Variants in PTPRD observed in about 807,000 individuals in gnomAD.
PTPRD encodes protein tyrosine phosphatase receptor type D.
PTPRD carries 34 observed loss-of-function variants against 214.5 expected under a neutral mutation model. That is an observed-to-expected ratio of 0.16 (90% CI 0.12 to 0.21). The LOEUF is 0.21. Ranked by LOEUF, PTPRD falls within the 10% of genes least tolerant of loss-of-function variation. The pLI is 1.00. For missense variants in PTPRD, 2,545 were observed against 2,398.7 expected (o/e 1.06, Z -1.27); for synonymous variants, 1,128 against 845.7 (o/e 1.33, Z -5.79).
intron 7 of PTPRD, among the ~76,000 whole-genome samples, chr9:9,678,709 T>C (rs1379543023): frequency 1.3e-5 from 2 of 150,070 alleles, no homozygotes; most frequent in African/African-American, 2.4e-5. Flanking sequence ...AACAAAACTC[T>C]AAAAAAAAAT....
chr9:8,910,131 C>G (rs2098737166), intron 11 of PTPRD, among the ~76,000 whole-genome samples: 1 of 152,048 alleles, frequency 6.6e-6, no homozygotes, highest in South Asian at 2.1e-4. Flanking sequence ...CTCTGCCACC[C>G]AGGTTCACAC....
intron 8 of PTPRD, among the ~76,000 whole-genome samples, chr9:9,546,715 TATA>T (rs1227251233): frequency 6.6e-6 from 1 of 151,922 alleles, no homozygotes; most frequent in South Asian, 2.1e-4. Context: ...ATTGAATGTT[TATA>T]ATATGTTCCA....
intron 4 of PTPRD, among the ~76,000 whole-genome samples, chr9:9,983,130 A>G (rs1224406870): frequency 6.6e-6 from 1 of 152,128 alleles, no homozygotes; most frequent in Non-Finnish European, 1.5e-5. Context: ...TTTGGATGCA[A>G]ATCAAATGTA....
intron 10 of PTPRD, among the ~76,000 whole-genome samples, chr9:9,177,691 C>T (rs1473650354): frequency 6.6e-6 from 1 of 151,906 alleles, no homozygotes; most frequent in East Asian, 1.9e-4. Context: ...ATGCTTAATC[C>T]TATCAATCTT....
intron 5 of PTPRD, among the ~76,000 whole-genome samples, chr9:9,919,524 T>G (rs2081955499): frequency 6.6e-6 from 1 of 152,138 alleles, no homozygotes; most frequent in Non-Finnish European, 1.5e-5. Flanking sequence ...TCAAATGAAG[T>G]ACACTTAAGA....
chr9:10,177,727 G>A (rs756405932), intron 3 of PTPRD, among the ~76,000 whole-genome samples: 1 of 151,732 alleles, frequency 6.6e-6, no homozygotes, highest in Non-Finnish European at 1.5e-5. Context: ...TTGAATTGGG[G>A]TATGTTCTTT....
intron 10 of PTPRD, among the ~76,000 whole-genome samples, chr9:9,175,944 C>A (rs1169767919): frequency 1.3e-5 from 2 of 152,126 alleles, no homozygotes; most frequent in Admixed American, 6.6e-5. Context: ...AGCACAAAGT[C>A]TTTTATATAT....
At chr9:9,006,371 A>G (rs1354447188) in intron 11 of PTPRD, among the ~76,000 whole-genome samples, 2 of 152,056 alleles carry the variant, frequency 1.3e-5, no homozygotes, top group Non-Finnish European at 2.9e-5. Context: ...CAAAACATAT[A>G]CTTTTAAAAA....
chr9:9,027,141 C>A (rs569715258), intron 10 of PTPRD, among the ~76,000 whole-genome samples: 3 of 151,836 alleles, frequency 2.0e-5, no homozygotes, highest in African/African-American at 4.8e-5. Context: ...GGCATACATT[C>A]TGAATTTTGT....
chr9:9,665,191 GA>G (rs1376068189), intron 7 of PTPRD, among the ~76,000 whole-genome samples: 1 of 151,578 alleles, frequency 6.6e-6, no homozygotes, highest in Non-Finnish European at 1.5e-5. Flanking sequence ...TTCTGACTCA[GA>G]ACGGCAAAGA....
At chr9:10,082,580 G>A (rs956287572) in intron 3 of PTPRD, among the ~76,000 whole-genome samples, 1 of 151,972 alleles carries the variant, frequency 6.6e-6, no homozygotes, top group East Asian at 1.9e-4. Flanking sequence ...GTGAAGTTAT[G>A]TAGAAACTTC....
intron 9 of PTPRD, among the ~76,000 whole-genome samples, chr9:9,298,947 T>C (rs1954180188): frequency 1.3e-5 from 2 of 151,820 alleles, no homozygotes; most frequent in South Asian, 4.1e-4. Context: ...TCTATTTTTC[T>C]TAATATAAAA....
intron 2 of PTPRD, among the ~76,000 whole-genome samples, chr9:10,372,342 C>T (rs766187313): frequency 1.3e-5 from 2 of 151,938 alleles, no homozygotes; most frequent in African/African-American, 2.4e-5. Context: ...TGTAAAAGTG[C>T]CACATGCCTT....
intron 14 of PTPRD, among the ~76,000 whole-genome samples, chr9:8,595,677 G>A (rs1057122808): frequency 1.3e-5 from 2 of 152,152 alleles, no homozygotes; most frequent in Non-Finnish European, 2.9e-5. Context: ...CGAAAAGTTA[G>A]TTTAATTCAA....
At chr9:9,801,694 T>G (rs939201136) in intron 5 of PTPRD, among the ~76,000 whole-genome samples, 1 of 152,094 alleles carries the variant, frequency 6.6e-6, no homozygotes, top group Non-Finnish European at 1.5e-5. Context: ...ATAATTTCAC[T>G]GTTGGAAATT....
intron 14 of PTPRD, among the ~76,000 whole-genome samples, chr9:8,531,454 T>C (rs878949914): frequency 8.5e-5 from 13 of 152,126 alleles, no homozygotes; most frequent in African/African-American, 2.2e-4. Context: ...TTGGCAGCTA[T>C]TGACACAAAG....
intron 11 of PTPRD, among the ~76,000 whole-genome samples, chr9:8,826,916 T>G (rs1303540658): frequency 1.3e-5 from 2 of 152,140 alleles, no homozygotes; most frequent in Non-Finnish European, 2.9e-5. Context: ...GGATACCCAA[T>G]GAGCACGATT....
intron 14 of PTPRD, among the ~76,000 whole-genome samples, chr9:8,609,211 T>C (rs899907006): frequency 6.6e-6 from 1 of 152,204 alleles, no homozygotes; most frequent in Admixed American, 6.5e-5. Flanking sequence ...ATGAGACATA[T>C]TAACTTTATC....
chr9:8,931,569 C>T (rs1389315952), intron 11 of PTPRD, among the ~76,000 whole-genome samples: 2 of 152,086 alleles, frequency 1.3e-5, no homozygotes, highest in African/African-American at 2.4e-5. Context: ...GCCCTTTTCA[C>T]GATATTGATT....
Sources: gnomAD v4.1 joint callset for allele counts (sites outside exome capture counted in the v4.1 genomes callset) on GRCh38, gnomAD v4.1.1 for gene constraint, MANE v1.5 for transcripts, NCBI Gene and HGNC (gene_info 2026-07-23, HGNC 2026-07-21) for gene names.